Variants in SYTL2 observed in about 807,000 individuals in gnomAD.
The protein encoded by SYTL2 is synaptotagmin like 2.
In SYTL2, 165 loss-of-function variants were observed where a neutral mutation model predicts 198.7. That is an observed-to-expected ratio of 0.83 (90% CI 0.73 to 0.94). The LOEUF (loss-of-function observed/expected upper bound fraction) is 0.94, where lower values mean the gene tolerates loss of function less well. Among genes scored for constraint, SYTL2 ranks in the 40% least tolerant of loss-of-function variants. The pLI is 0.00. For missense variants in SYTL2, 2,835 were observed against 2,582.8 expected, an observed-to-expected ratio of 1.10 and a Z score of -2.12; for synonymous variants, 966 against 917.7, an observed-to-expected ratio of 1.05 and a Z score of -0.95.
Position 85,740,320 on chromosome 11 carries a change from T to G in SYTL2, c.390-2664A>C, listed in dbSNP as rs533098582. 2.6e-5 allele frequency among the ~76,000 whole-genome samples: 4 copies of G among 152,332 alleles called. 1 individual carries two copies. The highest frequency in any genetic ancestry group is 7.2e-5 in the African/African-American group (3 of 41,572). ...CCCAGTCCCTCCTTGTAAGTGTTCT[T>G]TTTGCTTTCTTTGTCTACCCAAATC... On this transcript the variant is annotated intron_variant, in intron 4 of 19. Coordinates refer to ENST00000359152, the MANE Select transcript of SYTL2 (RefSeq NM_206927.4).
At chr11:85,739,633 G>T (rs1011740360) in intron 4 of SYTL2, among the ~76,000 whole-genome samples, 1 of 152,144 alleles carries the variant, frequency 6.6e-6, no homozygotes, top group African/African-American at 2.4e-5. Context: ...TGGGCAATCA[G>T]TACTGCAACC....
Position 85,724,164 on chromosome 11 carries a change from T to C in SYTL2, c.5194A>G (p.Ser1732Gly). Residue 1732 changes from serine to glycine, a missense_variant, in exon 8 of 20, where the codon AGT becomes GGT. Physicochemically the swap from Ser to Gly is moderately conservative, Grantham distance 56. Around this residue, in one of 3 missense-constraint regions of SYTL2, gnomAD observed 2,645 missense variants for 2,381.7 expected, o/e 1.11. Coordinates refer to ENST00000359152, the MANE Select transcript of SYTL2 (RefSeq NM_206927.4). ...GATGCTAGAGTCAATTCAACTTTAC[T>C]TGTTTTTGTAGAGTTTTCTTTGTTC... ...LMNKENSTKT[S>G]KVELTLASPY... is the part of the protein sequence containing the mutation. 1 of 1,605,048 alleles carries C rather than the reference T, an allele frequency of 6.2e-7. No homozygotes were observed. The highest frequency in any genetic ancestry group is 8.5e-7 in the Non-Finnish European group (1 of 1,177,900).
At chr11:85,721,170 G>A (rs968998604) in intron 8 of SYTL2, among the ~76,000 whole-genome samples, 2 of 152,026 alleles carry the variant, frequency 1.3e-5, no homozygotes, top group Admixed American at 6.6e-5. Context: ...ATTTGCAAAC[G>A]TAAACCCTAC....
At chr11:85,707,981 CACA>C (rs2085500362) in intron 14 of SYTL2, 1 of 207,356 alleles carries the variant, frequency 4.8e-6, no homozygotes, top group Non-Finnish European at 9.6e-6. Context: ...AAAAACCACA[CACA>C]CACACACACA....
Position 85,718,786 on chromosome 11 carries a change from T to C in SYTL2, c.5482+4A>G, listed in dbSNP as rs750462652. On this transcript the variant is annotated splice_donor_region_variant and intron_variant, in intron 10 of 19. Coordinates refer to ENST00000359152, the MANE Select transcript of SYTL2 (RefSeq NM_206927.4). ...CAGACACGCAAATACATAAAGATAT[T>C]TACCATCTTCAGCACTACGCACTAA... is the stretch of plus-strand genomic sequence containing the variant. 2 of 1,613,282 alleles carry C rather than the reference T, an allele frequency of 1.2e-6. No homozygotes were observed. Among genetic ancestry groups the C allele is most frequent in the South Asian group, 2.2e-5 (2 of 91,044 alleles).
the SYTL2 span, among the ~76,000 whole-genome samples, chr11:85,834,867 C>G: frequency 6.6e-6 from 1 of 151,598 alleles, no homozygotes; most frequent in African/African-American, 2.4e-5. Context: ...TCAAGTGATC[C>G]TCTCACCTCA....
Position 85,704,871 on chromosome 11 carries a change from G to C in SYTL2, c.6176C>G (p.Pro2059Arg), listed in dbSNP as rs747031346. ...TTCCGGACTCACCTTCCGCTTCAGA[G>C]GGTACCATCTCAATTGTTTATTCTG... ...NKQNKQLRWY[P>R]LKRKTAPVAL... The change falls in exon 16 of 20, where the codon CCT (proline) becomes CGT (arginine). Residue 2059 changes from proline to arginine, a missense_variant. By Grantham distance (103) the Pro-to-Arg change is moderately radical. Transcript: ENST00000359152. The C allele has an allele frequency of 2.5e-6, 4 of 1,612,842 alleles. No homozygotes were observed. In the East Asian group the frequency reaches 6.7e-5, roughly 27 times the overall value.
the SYTL2 span, among the ~76,000 whole-genome samples, chr11:85,838,659 T>C: frequency 6.6e-6 from 1 of 151,970 alleles, no homozygotes; most frequent in East Asian, 1.9e-4. Flanking sequence ...TCAAGAGAAC[T>C]CACTATGGCA....
Position 85,748,335 on chromosome 11 carries a change from C to T in SYTL2, c.190G>A (p.Asp64Asn). 6.2e-7 allele frequency: 1 copy of T among 1,614,018 alleles called. No homozygotes were observed. Among genetic ancestry groups the T allele is most frequent in the Non-Finnish European group, 8.5e-7 (1 of 1,179,944 alleles). ...ATGATATCTGCGCCATGGATTTTGT[C>T]CCTGTGCCTTTTTGCCTTGGCTTCA... The part of the protein sequence containing the change: ...FYEAKAKRHR[D>N]KIHGADIIRA... The change falls in exon 3 of 20, where the codon GAC (aspartate) becomes AAC (asparagine). Residue 64 changes from aspartate (D) to asparagine (N), a missense_variant. Asp to Asn is a conservative substitution (Grantham distance 23, BLOSUM62 1). This residue lies in a region of SYTL2 where 2,645 missense variants were observed against 2,381.7 expected (regional missense o/e 1.11). Coordinates refer to ENST00000359152, the MANE Select transcript of SYTL2 (RefSeq NM_206927.4).
intron 3 of SYTL2, among the ~76,000 whole-genome samples, chr11:85,746,940 G>A (rs2091193318): frequency 1.3e-5 from 2 of 152,120 alleles, no homozygotes; most frequent in Admixed American, 6.6e-5. Flanking sequence ...TGTATAGAAT[G>A]GGGGAAATAA....
chr11:85,838,937 T>A, the SYTL2 span, among the ~76,000 whole-genome samples: 1 of 152,194 alleles, frequency 6.6e-6, no homozygotes, highest in Non-Finnish European at 1.5e-5. Flanking sequence ...AGAGACAGGA[T>A]CTCACTATGT....
chr11:85,847,853 T>G, the SYTL2 span, among the ~76,000 whole-genome samples: 4 of 152,184 alleles, frequency 2.6e-5, no homozygotes, highest in African/African-American at 7.2e-5. Flanking sequence ...ATTTATAAAT[T>G]CTAGATCCCA....
chr11:85,759,402 T>C (rs916017744), intron 1 of SYTL2, among the ~76,000 whole-genome samples: 2 of 152,228 alleles, frequency 1.3e-5, no homozygotes, highest in African/African-American at 2.4e-5. Flanking sequence ...CTATAAGTCA[T>C]TGGGCAAGTT....
At chr11:85,800,824 T>G (rs1361797428) in intron 1 of SYTL2, among the ~76,000 whole-genome samples, 1 of 152,210 alleles carries the variant, frequency 6.6e-6, no homozygotes, top group Non-Finnish European at 1.5e-5. Flanking sequence ...CTCCACACCC[T>G]TGGCTCCTGG....
chr11:85,817,900 TTC>T, the SYTL2 span, among the ~76,000 whole-genome samples: 152 of 114,168 alleles, frequency 1.3e-3, 2 homozygotes, highest in African/African-American at 4.0e-3. Context: ...TTTGTGTCTT[TTC>T]TTTTTTTTTT....
chr11:85,728,007 T>C (rs2089408657), intron 7 of SYTL2, 40 bp from the exon 8 acceptor site: 4 of 1,507,928 alleles, frequency 2.7e-6, no homozygotes, highest in South Asian at 2.6e-5. Context: ...GAAAAGAGCA[T>C]GCTTAAAGAA....
chr11:85,708,468 C>CA (rs564301138), intron 14 of SYTL2, among the ~76,000 whole-genome samples: 151 of 151,058 alleles, frequency 1.0e-3, no homozygotes, highest in Non-Finnish European at 1.9e-3. Flanking sequence ...TCAGCGTTTG[C>CA]AAAAAAAGAA....
At chr11:85,844,076 T>C in the SYTL2 span, among the ~76,000 whole-genome samples, 1 of 152,262 alleles carries the variant, frequency 6.6e-6, no homozygotes, top group Admixed American at 6.5e-5. Flanking sequence ...TATTCTTCTC[T>C]GCAATACCCC....
rs2089015224 is a variant in SYTL2 at position 85,725,479 on chromosome 11, T to C, written c.3879A>G (p.Leu1293=). 6.2e-7 allele frequency: 1 copy of C among 1,613,960 alleles called. No homozygotes were observed. Among genetic ancestry groups the C allele is most frequent in the Non-Finnish European group, 8.5e-7 (1 of 1,179,960 alleles). The change falls in exon 8 of 20, where the codon CTA becomes CTG. Residue 1293 remains leucine (L), a synonymous_variant. Transcript: ENST00000359152. ...CCATCTGAATCAAATTCTGTGTGCT[T>C]AGCTGGCACTCACCACTTTCAGCTT... is the stretch of plus-strand genomic sequence containing the variant. ...LKKAESGECQ[L]STQNLIQMAA...
Sources: allele counts gnomAD v4.1 joint callset (sites outside exome capture counted in the v4.1 genomes callset), GRCh38; gene constraint gnomAD v4.1.1; regional missense constraint gnomAD v4.1.1; transcripts MANE v1.5; gene names NCBI Gene and HGNC (gene_info 2026-07-23, HGNC 2026-07-21).